The following RIPK1 variants were observed in gnomAD, a reference collection of about 807,000 sequenced individuals.
RIPK1 encodes the protein receptor interacting serine/threonine kinase 1.
RIPK1 carries 27 observed loss-of-function variants against 62.4 expected under a neutral mutation model. The observed-to-expected ratio is 0.43, with a 90% CI of 0.32 to 0.60. The LOEUF (loss-of-function observed/expected upper bound fraction) is 0.60. Among genes scored for constraint, RIPK1 ranks in the 20% least tolerant of loss-of-function variants. RIPK1 has a pLI of 0.07. For missense variants in RIPK1, 735 were observed against 831.0 expected, an observed-to-expected ratio of 0.88 and a Z score of 1.42; for synonymous variants, 287 against 303.2, an observed-to-expected ratio of 0.95 and a Z score of 0.55.
chr6:3,090,699 G>C (rs1045800682), intron 7 of RIPK1, among the ~76,000 whole-genome samples: 2 of 151,996 alleles, frequency 1.3e-5, no homozygotes, highest in South Asian at 4.1e-4. Context: ...AAGACAGAAA[G>C]AACATGACGA....
chr6:3,070,781 C>G (rs1284986198), intron 1 of RIPK1, among the ~76,000 whole-genome samples: 11 of 149,716 alleles, frequency 7.3e-5, no homozygotes, highest in African/African-American at 2.8e-4. Context: ...TTCTGACTGT[C>G]GCACATTTAT....
At chr6:3,066,244 G>A (rs182233580), upstream of RIPK1, among the ~76,000 whole-genome samples, 3 of 152,230 alleles carry the variant, frequency 2.0e-5, no homozygotes, top group Admixed American at 2.0e-4. Flanking sequence ...GGCTGGTCCG[G>A]AACCCCTGAG....
In RIPK1 at chr6:3,081,026, T is replaced by C; in HGVS notation, c.369T>C (p.Ile123=). 1.2e-6 allele frequency: 2 copies of C among 1,614,080 alleles called. No individual in the cohort carries two copies. Among genetic ancestry groups the C allele is most frequent in the Non-Finnish European group, 1.7e-6 (2 of 1,179,940 alleles). Residue 123 remains isoleucine (I), a synonymous_variant, in exon 4 of 11, where the codon ATT becomes ATC. Transcript: ENST00000259808. ...AAGGAAGGATAATTTTGGAAATCAT[T>C]GAAGGAATGTGCTACTTACATGGAA... ...SVKGRIILEI[I]EGMCYLHGKG... is the part of the protein sequence containing the mutation.
chr6:3,106,081 G>A, intron 9 of RIPK1, 30 bp downstream of exon 9: 1 of 1,477,162 alleles, frequency 6.8e-7, no homozygotes, highest in East Asian at 2.3e-5. Flanking sequence ...TCACAAGCTT[G>A]TCTTTTTTTA....
At chr6:3,082,146 G>A (rs1273934698) in intron 4 of RIPK1, among the ~76,000 whole-genome samples, 2 of 152,194 alleles carry the variant, frequency 1.3e-5, no homozygotes, top group African/African-American at 4.8e-5. Flanking sequence ...AAAAGGGGAA[G>A]CGGAAGGGGA....
Position 3,086,084 on chromosome 6 carries a change from A to C in RIPK1, c.838+676A>C, listed in dbSNP as rs551813745. ...CCTTGTTTAGCTGGCATCTTTAGAA[A>C]GTATTTTGCCGTCTAGATTGGCCTT... On this transcript the variant is annotated intron_variant, in intron 6 of 10. Transcript: ENST00000259808. Among the ~76,000 whole-genome samples the C allele has an allele frequency of 1.6e-3, 20 of 12,608 alleles. 1 individual carries two copies. The highest frequency in any genetic ancestry group is 4.6e-3 in the Non-Finnish European group (1 of 218). 8.3% of individuals were successfully genotyped at this position (12,608 alleles called of 152,430 possible). A position where few individuals can be genotyped will look rare whatever the true frequency, so the allele number is the denominator to read the frequency against.
At chr6:3,108,268 A>G (rs1760962942) in intron 9 of RIPK1, among the ~76,000 whole-genome samples, 1 of 151,978 alleles carries the variant, frequency 6.6e-6, no homozygotes, top group Non-Finnish European at 1.5e-5. Context: ...TATATGGGTG[A>G]CTTTGGGAAA....
intron 4 of RIPK1, among the ~76,000 whole-genome samples, chr6:3,082,029 G>T (rs991628221): frequency 1.5e-4 from 23 of 152,044 alleles, no homozygotes; most frequent in Non-Finnish European, 7.4e-5. Context: ...GTCGTAAAGG[G>T]AACAAGGGAA....
intron 4 of RIPK1, 75 bp from the exon 5 acceptor site, chr6:3,083,010 C>G: frequency 6.9e-7 from 1 of 1,457,968 alleles, no homozygotes; most frequent in South Asian, 1.2e-5. Context: ...AATGGATAAG[C>G]CCAAAATTGA....
upstream of RIPK1, among the ~76,000 whole-genome samples, chr6:3,067,506 C>T (rs1758435216): frequency 6.6e-6 from 1 of 152,086 alleles, no homozygotes; most frequent in Non-Finnish European, 1.5e-5. Context: ...AGCATCTTTT[C>T]ATATGCATAT....
intron 4 of RIPK1, among the ~76,000 whole-genome samples, chr6:3,081,809 G>A (rs1446117724): frequency 5.0e-5 from 7 of 139,574 alleles, no homozygotes; most frequent in South Asian, 2.4e-4. Context: ...GTGGTGAGCC[G>A]AGATTGTGCC....
chr6:3,068,095 C>A, upstream of RIPK1: 1 of 418,256 alleles, frequency 2.4e-6, no homozygotes, highest in Non-Finnish European at 3.2e-6. Context: ...GAATAGCATG[C>A]AGTTCCAACT....
chr6:3,110,851 G>C lies in RIPK1; in HGVS notation c.1625G>C (p.Gly542Ala), dbSNP rs767579134. Reference sequence around the variant, plus strand: ...TACAATAGTACTGGCATTCAGATTGGAGCCTACAATTATATGGAGATTGGT... The same window carrying C: ...TACAATAGTACTGGCATTCAGATTGCAGCCTACAATTATATGGAGATTGGT... ...TIYNSTGIQI[G>A]AYNYMEIGGT... Residue 542 changes from glycine to alanine, a missense_variant, in exon 10 of 11, where the codon GGA becomes GCA. Physicochemically the swap from Gly to Ala is moderately conservative, Grantham distance 60. Around this residue, in one of 2 missense-constraint regions of RIPK1, gnomAD observed 671 missense variants for 726.2 expected, o/e 0.92. Transcript: ENST00000259808. 6.3e-7 allele frequency: 1 copy of C among 1,598,078 alleles called. No homozygotes were observed. Among genetic ancestry groups the C allele is most frequent in the South Asian group, 1.1e-5 (1 of 90,716 alleles).
At chr6:3,076,726 A>ATATATATATATATATATATT (rs1561748080) in intron 1 of RIPK1, 38 bp from the exon 2 acceptor site, 1 of 644,038 alleles carries the variant, frequency 1.6e-6, no homozygotes, top group Non-Finnish European at 2.4e-6. Context: ...ATATATATAT[A>ATATATATATATATATATATT]GTCTTGCCCT....
chr6:3,098,386 G>A (rs1760423679), intron 7 of RIPK1, among the ~76,000 whole-genome samples: 1 of 152,188 alleles, frequency 6.6e-6, no homozygotes, highest in African/African-American at 2.4e-5. Flanking sequence ...CAACTTTACT[G>A]GTAATTAGAG....
In RIPK1 at chr6:3,113,244, A is replaced by G. The variant is rs1172366013; in HGVS notation, c.1921A>G (p.Ile641Val). 6.2e-7 allele frequency: 1 copy of G among 1,614,162 alleles called. No individual in the cohort carries two copies. The highest frequency in any genetic ancestry group is 2.2e-5 in the East Asian group (1 of 44,884). Reference protein sequence around the residue: ...MLQKWVMREGIKGATVGKLAQ... With the variant: ...MLQKWVMREGVKGATVGKLAQ... The stretch of plus-strand genomic sequence containing the variant: ...CCAAAAGTGGGTGATGAGGGAAGGC[A>G]TAAAGGGAGCCACGGTGGGGAAGCT... Residue 641 changes from isoleucine (I) to valine (V), a missense_variant, in exon 11 of 11, where the codon ATA becomes GTA. By Grantham distance (29) the Ile-to-Val change is conservative. Coordinates refer to ENST00000259808, the MANE Select transcript of RIPK1 (RefSeq NM_001354930.2). The surrounding 1 kb of genome is among the most constrained non-coding windows in gnomAD (Gnocchi z 5.0).
intron 7 of RIPK1, among the ~76,000 whole-genome samples, chr6:3,094,626 C>T (rs1006577162): frequency 6.7e-6 from 1 of 149,182 alleles, no homozygotes; most frequent in Non-Finnish European, 1.5e-5. Flanking sequence ...ATTAATTAGC[C>T]AAACATTATC....
chr6:3,094,277 C>T (rs1760165861), intron 7 of RIPK1, among the ~76,000 whole-genome samples: 1 of 152,168 alleles, frequency 6.6e-6, no homozygotes, highest in Non-Finnish European at 1.5e-5. Context: ...AGAGCATTTT[C>T]AAAAACTGAC....
chr6:3,073,228 C>T (rs1326494661), intron 1 of RIPK1, among the ~76,000 whole-genome samples: 3 of 138,776 alleles, frequency 2.2e-5, no homozygotes, highest in Non-Finnish European at 3.1e-5. Flanking sequence ...TATATACACA[C>T]ATATACATTT....
Sources: gnomAD v4.1 joint callset for allele counts (sites outside exome capture counted in the v4.1 genomes callset) on GRCh38, gnomAD v4.1.1 for gene constraint, gnomAD v4.1.1 regional missense constraint, Gnocchi (gnomAD v3.1) non-coding constraint, MANE v1.5 for transcripts, NCBI Gene and HGNC (gene_info 2026-07-23, HGNC 2026-07-21) for gene names.